Variants in RASSF4 observed in about 807,000 individuals in gnomAD.
The protein encoded by RASSF4 is ras association domain-containing protein 4.
Under a neutral mutation model 41.1 loss-of-function variants are expected in RASSF4, and 38 were observed. The observed-to-expected ratio is 0.92, with a 90% CI of 0.71 to 1.21. The LOEUF is 1.21. Among genes scored for constraint, RASSF4 ranks in the 50% most tolerant of loss-of-function variants. The pLI is 0.00. For missense variants in RASSF4, 414 were observed against 419.4 expected (o/e 0.99, Z 0.11); for synonymous variants, 179 against 163.4 (o/e 1.10, Z -0.73).
At chr10:44,971,929 T>G in intron 3 of RASSF4, 81 bp downstream of exon 3, 1 of 922,722 alleles carries the variant, frequency 1.1e-6, no homozygotes, top group Admixed American at 2.2e-5. Context: ...AGGGTAATGA[T>G]GAAGACCATC....
At chr10:44,972,529 T>C (rs990852457) in intron 3 of RASSF4, among the ~76,000 whole-genome samples, 3 of 152,254 alleles carry the variant, frequency 2.0e-5, no homozygotes, top group African/African-American at 4.8e-5. Flanking sequence ...TCATGTGGGC[T>C]AAATACATGT....
At chr10:44,991,151 A>G in intron 9 of RASSF4, 82 bp downstream of exon 9, 1 of 1,366,654 alleles carries the variant, frequency 7.3e-7, no homozygotes, top group Non-Finnish European at 9.9e-7. Context: ...ACTCCTGGCC[A>G]GAGCCCTGTC....
At chr10:44,985,682 C>T (rs1382322067) in intron 6 of RASSF4, among the ~76,000 whole-genome samples, 1 of 152,108 alleles carries the variant, frequency 6.6e-6, no homozygotes, top group African/African-American at 2.4e-5. Context: ...AGGAGGGTCT[C>T]AGGGTCCGAT....
rs1002644896 is a variant in RASSF4, at chr10:44,995,148, C to G, written c.*1819C>G. On this transcript the variant is annotated 3_prime_UTR_variant, in exon 11 of 11. Transcript: ENST00000340258. ...ATTATTTACAATCTCAGGTGGAGGA[C>G]AGCTCCTGTCCCATTGTTCAGCTGT... is the stretch of plus-strand genomic sequence containing the variant. The G allele has an allele frequency of 2.0e-5, 3 of 152,304 alleles. No homozygotes were observed. The highest frequency in any genetic ancestry group is 7.2e-5 in the African/African-American group (3 of 41,468). 9.4% of individuals were successfully genotyped at this position (152,304 alleles called of 1,614,324 possible).
rs1842083701 is a variant in RASSF4 at position 44,990,862 on chromosome 10, CG to C, written c.686-85del. On this transcript the variant is annotated intron_variant, in intron 8 of 10. Transcript: ENST00000340258. ...TCTTAGGGTTCCCTGCGCCCCTAGA[CG>C]CACATTTTCTATCAGTTCCTAATCT... The C allele has an allele frequency of 3.5e-6, 5 of 1,435,978 alleles. No individual in the cohort carries two copies. In the African/African-American group the frequency reaches 7.0e-5, roughly 20 times the overall value. The allele number at this position is 1,435,978 out of a possible 1,614,324, so 89.0% of individuals were successfully genotyped here. A position where few individuals can be genotyped will look rare whatever the true frequency, so the allele number is the denominator to read the frequency against.
Position 44,994,944 on chromosome 10 carries a change from G to A in RASSF4, c.*1615G>A, listed in dbSNP as rs1588856868. The A allele has an allele frequency of 1.3e-5, 2 of 152,256 alleles. No homozygotes were observed. The highest frequency in any genetic ancestry group is 2.1e-4 in the South Asian group (1 of 4,806). 9.4% of individuals were successfully genotyped at this position (152,256 alleles called of 1,614,324 possible). A position where few individuals can be genotyped will look rare whatever the true frequency, so the allele number is the denominator to read the frequency against. On this transcript the variant is annotated 3_prime_UTR_variant, in exon 11 of 11. Coordinates refer to ENST00000340258, the MANE Select transcript of RASSF4 (RefSeq NM_032023.4). ...CATGGAACACGCAGGCGTCACTGGTGGGAGCCTAGAGGTGACCTGGATGAT... is the reference window on the plus strand; with the variant it reads ...CATGGAACACGCAGGCGTCACTGGTAGGAGCCTAGAGGTGACCTGGATGAT...
intron 6 of RASSF4, among the ~76,000 whole-genome samples, chr10:44,986,580 A>G (rs889655193): frequency 4.6e-5 from 7 of 152,234 alleles, no homozygotes; most frequent in Non-Finnish European, 1.0e-4. Flanking sequence ...GACACAGAAT[A>G]GTGTCTTAAG....
At chr10:44,960,546 C>A (rs771805251) in intron 1 of RASSF4, among the ~76,000 whole-genome samples, 2 of 152,222 alleles carry the variant, frequency 1.3e-5, no homozygotes, top group Non-Finnish European at 2.9e-5. Context: ...CTCTTCTGGG[C>A]TCCTGACTCC....
At chr10:44,986,271 G>T (rs1168114163) in intron 6 of RASSF4, among the ~76,000 whole-genome samples, 1 of 152,192 alleles carries the variant, frequency 6.6e-6, no homozygotes, top group East Asian at 1.9e-4. Context: ...TCCTCGAAGG[G>T]TCTCATTCAT....
At chr10:44,971,456 GGGCAGGGAGGCT>G (rs1259169943) in intron 2 of RASSF4, 2 of 553,422 alleles carry the variant, frequency 3.6e-6, no homozygotes, top group Non-Finnish European at 6.9e-6. Flanking sequence ...CGCAGGTGGA[GGGCAGGGAGGCT>G]GCCAGGGCCT....
chr10:44,977,007 C>T (rs973643907), intron 3 of RASSF4: 2 of 166,266 alleles, frequency 1.2e-5, no homozygotes, highest in African/African-American at 4.8e-5. Context: ...CCCCTACCAC[C>T]AGTTTCCCCA....
In RASSF4 at chr10:44,977,812, G is replaced by C. The variant is rs753186334; in HGVS notation, c.139-4709G>C. 6 of 1,599,876 alleles carry C rather than the reference G, an allele frequency of 3.8e-6. No individual in the cohort carries two copies. The Middle Eastern group carries it at 6.7e-4, about 178-fold the overall frequency. On this transcript the variant is annotated intron_variant, in intron 3 of 10. Transcript: ENST00000340258. ...GGGACACAGCAGGGCGGCCCTTCCGGCAGGCCTGGGCTGGCCTGTGGGGTG... is the reference window on the plus strand; with the variant it reads ...GGGACACAGCAGGGCGGCCCTTCCGCCAGGCCTGGGCTGGCCTGTGGGGTG...
At chr10:44,970,450 C>T (rs1230086888) in intron 2 of RASSF4, 186 bp downstream of exon 2, 2 of 586,850 alleles carry the variant, frequency 3.4e-6, no homozygotes, top group African/African-American at 1.9e-5. Flanking sequence ...TACACATGAC[C>T]ATGGCTGGGA....
At chr10:44,977,445 T>C (rs778827112) in intron 3 of RASSF4, 69 of 1,611,002 alleles carry the variant, frequency 4.3e-5, no homozygotes, top group Non-Finnish European at 5.5e-5. Flanking sequence ...AGGACACTGC[T>C]GGGGCGGGGG....
intron 6 of RASSF4, 127 bp from the exon 7 acceptor site, chr10:44,989,147 G>A (rs375357086): frequency 4.8e-5 from 30 of 627,956 alleles, no homozygotes; most frequent in Admixed American, 3.0e-4. Context: ...GTGCATCAGC[G>A]TGAATGGACA....
At chr10:44,968,577 A>C (rs1007228255) in intron 1 of RASSF4, among the ~76,000 whole-genome samples, 3 of 152,116 alleles carry the variant, frequency 2.0e-5, no homozygotes, top group African/African-American at 7.2e-5. Context: ...TGCAGGGCTG[A>C]TGCTAGCACA....
chr10:44,984,783 C>G, intron 5 of RASSF4, 30 bp from the exon 6 acceptor site: 4 of 1,610,110 alleles, frequency 2.5e-6, no homozygotes, highest in Non-Finnish European at 3.4e-6. Flanking sequence ...ATCACCCACC[C>G]TGCCATTCTC....
chr10:44,991,407 C>T (rs1185755410), intron 9 of RASSF4: 1 of 229,054 alleles, frequency 4.4e-6, no homozygotes, highest in Non-Finnish European at 8.5e-6. Flanking sequence ...CTAGGCCCTA[C>T]CTCGCACCTG....
intron 1 of RASSF4, among the ~76,000 whole-genome samples, chr10:44,962,599 A>C (rs948560599): frequency 6.6e-6 from 1 of 152,200 alleles, no homozygotes; most frequent in Non-Finnish European, 1.5e-5. Flanking sequence ...AGCAGCAGGC[A>C]CCCAGAGGGG....
Sources: gnomAD v4.1 joint callset for allele counts (sites outside exome capture counted in the v4.1 genomes callset) on GRCh38, gnomAD v4.1.1 for gene constraint, MANE v1.5 for transcripts, NCBI Gene and HGNC (gene_info 2026-07-23, HGNC 2026-07-21) for gene names.